XKR6: variants seen among roughly 807,000 people sequenced by gnomAD.
XKR6 encodes XK related 6, also known as XK-related protein 6.
Under a neutral mutation model 56.7 loss-of-function variants are expected in XKR6, and 22 were observed. The observed-to-expected ratio is 0.39, with a 90% CI of 0.28 to 0.55. XKR6 has a LOEUF of 0.55. Among genes scored for constraint, XKR6 ranks in the 20% least tolerant of loss-of-function variants. The pLI, the probability that XKR6 is intolerant of heterozygous loss-of-function variation, is 0.66. For missense variants in XKR6, 852 were observed against 889.0 expected, an observed-to-expected ratio of 0.96 and a Z score of 0.53; for synonymous variants, 524 against 387.8, an observed-to-expected ratio of 1.35 and a Z score of -4.13.
At chr8:11,188,679 A>G (rs1377066998) in intron 1 of XKR6, among the ~76,000 whole-genome samples, 2 of 152,128 alleles carry the variant, frequency 1.3e-5, no homozygotes, top group Non-Finnish European at 2.9e-5. Flanking sequence ...TCTGTTGACT[A>G]CTCAAAAGCT....
intron 2 of XKR6, among the ~76,000 whole-genome samples, chr8:10,914,393 C>T (rs1800497116): frequency 6.6e-6 from 1 of 152,170 alleles, no homozygotes; most frequent in Non-Finnish European, 1.5e-5. Context: ...GCTTTCCTTG[C>T]TGAGATTCGT....
intron 1 of XKR6, chr8:11,067,057 G>C (rs933575220): frequency 6.6e-6 from 1 of 152,416 alleles, no homozygotes; most frequent in East Asian, 1.9e-4. Flanking sequence ...GGATGAGTGA[G>C]GCGACAGGGC....
chr8:11,007,806 A>G (rs1798404431), intron 1 of XKR6, among the ~76,000 whole-genome samples: 1 of 152,176 alleles, frequency 6.6e-6, no homozygotes, highest in Non-Finnish European at 1.5e-5. Context: ...GGCTTCCTGC[A>G]GCTCCCCTTC....
intron 1 of XKR6, among the ~76,000 whole-genome samples, chr8:10,985,997 A>G (rs1797855928): frequency 1.3e-5 from 2 of 152,272 alleles, no homozygotes; most frequent in Admixed American, 1.3e-4. Context: ...TCTGAAAAAT[A>G]TAGGAGAGAA....
At chr8:11,046,438 G>C (rs1267769145) in intron 1 of XKR6, among the ~76,000 whole-genome samples, 1 of 152,042 alleles carries the variant, frequency 6.6e-6, no homozygotes, top group Non-Finnish European at 1.5e-5. Context: ...TAAAAGAAAA[G>C]AAGAAAGCAG....
chr8:11,105,914 G>C (rs1419296831), intron 1 of XKR6: 1 of 152,280 alleles, frequency 6.6e-6, no homozygotes, highest in East Asian at 1.9e-4. Flanking sequence ...AGCAAAAATA[G>C]TATCATGCTT....
At position 10,993,675 on chromosome 8, in the gene XKR6, G is replaced by A. The variant is rs539278677; in HGVS notation, c.765-68845C>T. 2.0e-4 allele frequency among the ~76,000 whole-genome samples: 30 copies of A among 152,302 alleles called. 1 individual carries two copies. The Middle Eastern group carries it at 0.017, about 86-fold the overall frequency. The stretch of plus-strand genomic sequence containing the variant: ...CTTCTGCCCTGCTCCTAGCTCACCC[G>A]ACACTGGGAGCCCCTTTGTCTTCCA... On this transcript the variant is annotated intron_variant, in intron 1 of 2. Transcript: ENST00000416569.
chr8:11,081,979 C>T (rs1797737790), intron 1 of XKR6, among the ~76,000 whole-genome samples: 2 of 152,192 alleles, frequency 1.3e-5, no homozygotes, highest in South Asian at 2.1e-4. Flanking sequence ...ATGCTCTTGT[C>T]GGCCTACCCT....
intron 1 of XKR6, among the ~76,000 whole-genome samples, chr8:10,962,348 G>C (rs1802089198): frequency 6.6e-6 from 1 of 152,170 alleles, no homozygotes; most frequent in African/African-American, 2.4e-5. Context: ...CTGACTCGTA[G>C]TCCCCATTTG....
intron 1 of XKR6, among the ~76,000 whole-genome samples, chr8:11,007,250 G>T (rs1479769362): frequency 6.6e-6 from 1 of 152,144 alleles, no homozygotes; most frequent in Non-Finnish European, 1.5e-5. Flanking sequence ...ACCATTCTTG[G>T]CATTGTCCAT....
intron 1 of XKR6, among the ~76,000 whole-genome samples, chr8:11,057,885 C>T (rs1333566596): frequency 1.3e-5 from 2 of 152,170 alleles, no homozygotes; most frequent in Non-Finnish European, 2.9e-5. Flanking sequence ...CAGCGCTGAG[C>T]ACCTGCCGCA....
chr8:11,034,220 G>C (rs1799081465), intron 1 of XKR6, among the ~76,000 whole-genome samples: 1 of 152,220 alleles, frequency 6.6e-6, no homozygotes, highest in Non-Finnish European at 1.5e-5. Flanking sequence ...CAACAGGAAA[G>C]GCTGCACAGT....
chr8:10,955,871 A>G (rs1490794054), intron 1 of XKR6, among the ~76,000 whole-genome samples: 1 of 152,194 alleles, frequency 6.6e-6, no homozygotes, highest in Non-Finnish European at 1.5e-5. Context: ...ATTTATTTCA[A>G]TGTCATGTTG....
chr8:11,065,684 G>A lies in XKR6; in HGVS notation c.764+134892C>T, dbSNP rs188390878. On this transcript the variant is annotated intron_variant, in intron 1 of 2. Transcript: ENST00000416569. ...AACTTACTCCTTCCTCTCATTCCAC[G>A]TGAACTCCATCTTTCCCTCCAAGCC... 9.4e-4 allele frequency among the ~76,000 whole-genome samples: 143 copies of A among 151,688 alleles called. 1 individual carries two copies. Among genetic ancestry groups the A allele is most frequent in the Non-Finnish European group, 3.8e-4 (26 of 67,960 alleles).
At chr8:10,919,693 A>G (rs1173224709) in intron 2 of XKR6, among the ~76,000 whole-genome samples, 2 of 152,176 alleles carry the variant, frequency 1.3e-5, no homozygotes, top group African/African-American at 4.8e-5. Flanking sequence ...CAGAGCTGGA[A>G]TCTGCATGCA....
At chr8:11,027,717 T>G (rs1798901030) in intron 1 of XKR6, among the ~76,000 whole-genome samples, 1 of 152,204 alleles carries the variant, frequency 6.6e-6, no homozygotes, top group Non-Finnish European at 1.5e-5. Flanking sequence ...GGCCAGTTAT[T>G]TGCTCCATTA....
At chr8:10,900,682 G>T (rs186954735) in intron 2 of XKR6, among the ~76,000 whole-genome samples, 1 of 152,090 alleles carries the variant, frequency 6.6e-6, no homozygotes, top group African/African-American at 2.4e-5. Flanking sequence ...CACATGTCCT[G>T]CCTCACTTGT....
chr8:10,935,728 C>T (rs1341282046), intron 1 of XKR6, among the ~76,000 whole-genome samples: 20 of 147,292 alleles, frequency 1.4e-4, no homozygotes, highest in African/African-American at 5.0e-4. Context: ...GATTCTTAAT[C>T]CTGAGTTCTA....
At chr8:11,037,349 C>T (rs1011875901) in intron 1 of XKR6, among the ~76,000 whole-genome samples, 5 of 152,196 alleles carry the variant, frequency 3.3e-5, no homozygotes, top group Non-Finnish European at 5.9e-5. Context: ...CCTAGGCCTC[C>T]TGAGTAGCTG....
Sources: allele counts gnomAD v4.1 joint callset (sites outside exome capture counted in the v4.1 genomes callset), GRCh38; gene constraint gnomAD v4.1.1; transcripts MANE v1.5; gene names NCBI Gene and HGNC (gene_info 2026-07-23, HGNC 2026-07-21).